Variants in DPYD observed in about 807,000 individuals in gnomAD.
DPYD encodes the protein dihydropyrimidine dehydrogenase [NADP(+)].
In DPYD, 109 loss-of-function variants were observed where a neutral mutation model predicts 116.2. The observed-to-expected ratio is 0.94, with a 90% confidence interval of 0.80 to 1.10. The LOEUF is 1.10. Among genes scored for constraint, DPYD ranks in the 50% least tolerant of loss-of-function variants. The probability of loss-of-function intolerance (pLI) is 0.00; values close to 1 mark genes in which losing one functional copy is unlikely to be tolerated. For synonymous variants in DPYD, 440 were observed against 432.0 expected (o/e 1.02, Z -0.23); for missense variants, 1,302 against 1,254.5 (o/e 1.04, Z -0.57).
At chr1:97,305,469 T>C in intron 17 of DPYD, 91 bp from the exon 18 acceptor site, 4 of 1,532,848 alleles carry the variant, frequency 2.6e-6, no homozygotes, top group Non-Finnish European at 1.8e-6. Flanking sequence ...AAAAATGCAT[T>C]CTATTTTATC....
chr1:97,146,868 G>A (rs1229718620), intron 20 of DPYD, among the ~76,000 whole-genome samples: 1 of 152,092 alleles, frequency 6.6e-6, no homozygotes. Context: ...ATATCCAGTG[G>A]GAAAAATAAA....
chr1:97,667,896 GAC>G (rs1161099625), intron 8 of DPYD, among the ~76,000 whole-genome samples: 4 of 152,016 alleles, frequency 2.6e-5, no homozygotes, highest in Admixed American at 2.6e-4. Flanking sequence ...ATAAAATTGT[GAC>G]ACATGCTACA....
intron 21 of DPYD, among the ~76,000 whole-genome samples, chr1:97,095,538 A>C (rs192505684): frequency 8.8e-4 from 134 of 152,162 alleles, no homozygotes; most frequent in African/African-American, 3.2e-3. Context: ...TTATGGTAGA[A>C]AAGGTTAACC....
At chr1:97,544,532 G>A (rs953361428) in intron 12 of DPYD, among the ~76,000 whole-genome samples, 1 of 151,768 alleles carries the variant, frequency 6.6e-6, no homozygotes, top group Non-Finnish European at 1.5e-5. Context: ...ATAGCTAAAG[G>A]TCTGTTTCTC....
In DPYD at chr1:97,568,280, T is replaced by A. The variant is rs182997986; in HGVS notation, c.1339+5480A>T. Among the ~76,000 whole-genome samples the A allele has an allele frequency of 4.1e-3, 619 of 152,252 alleles. 6 individuals carry two copies. The highest frequency in any genetic ancestry group is 0.014 in the African/African-American group (596 of 41,548). On this transcript the variant is annotated intron_variant, in intron 11 of 22. Coordinates refer to ENST00000370192, the MANE Select transcript of DPYD (RefSeq NM_000110.4). ...TTCCCAAACAACATGAATAGCTACA[T>A]AAAAGTTAATATAAATCAATTTAAT...
At chr1:97,736,223 C>T (rs1663932420) in intron 4 of DPYD, among the ~76,000 whole-genome samples, 1 of 151,914 alleles carries the variant, frequency 6.6e-6, no homozygotes, top group African/African-American at 2.4e-5. Flanking sequence ...ATTAGACTTC[C>T]ATTCATTTTT....
chr1:97,384,325 A>G (rs548336739), intron 14 of DPYD, among the ~76,000 whole-genome samples: 1 of 151,208 alleles, frequency 6.6e-6, no homozygotes, highest in Admixed American at 6.6e-5. Flanking sequence ...ACCATATTGG[A>G]GAGAGTTCTA....
chr1:97,373,096 C>G (rs756734064), intron 16 of DPYD, among the ~76,000 whole-genome samples: 1 of 152,138 alleles, frequency 6.6e-6, no homozygotes, highest in Non-Finnish European at 1.5e-5. Context: ...GCATCAAAGT[C>G]TTTTTGCAAC....
intron 18 of DPYD, among the ~76,000 whole-genome samples, chr1:97,280,828 T>C (rs1357200291): frequency 3.3e-5 from 5 of 152,112 alleles, no homozygotes; most frequent in African/African-American, 1.2e-4. Flanking sequence ...CATTACACAG[T>C]AGGGAGATTA....
intron 8 of DPYD, among the ~76,000 whole-genome samples, chr1:97,630,151 C>T (rs1019256449): frequency 6.1e-4 from 92 of 151,224 alleles, no homozygotes; most frequent in African/African-American, 1.3e-3. Flanking sequence ...TTGGCTATTA[C>T]GGATAAAGCC....
intron 5 of DPYD, among the ~76,000 whole-genome samples, chr1:97,706,630 A>G (rs569452208): frequency 6.6e-6 from 1 of 152,124 alleles, no homozygotes; most frequent in African/African-American, 2.4e-5. Flanking sequence ...CAGCCTTTTC[A>G]GATTGGCTTC....
chr1:97,824,489 T>C (rs1009304159), intron 3 of DPYD, among the ~76,000 whole-genome samples: 4 of 152,172 alleles, frequency 2.6e-5, no homozygotes, highest in Non-Finnish European at 2.9e-5. Context: ...AAAAATTAAG[T>C]AAAATTAAAC....
intron 12 of DPYD, among the ~76,000 whole-genome samples, chr1:97,530,906 T>C (rs1649569891): frequency 6.6e-6 from 1 of 152,218 alleles, no homozygotes; most frequent in Non-Finnish European, 1.5e-5. Flanking sequence ...TGGCCATTTG[T>C]ATGGCTTGTT....
chr1:97,292,707 C>T (rs943193471), intron 18 of DPYD, among the ~76,000 whole-genome samples: 83 of 110,158 alleles, frequency 7.5e-4, no homozygotes, highest in Middle Eastern at 4.8e-3. Context: ...CGTGCACGCG[C>T]GCGCACACGC....
chr1:97,363,914 A>G (rs1192581394), intron 16 of DPYD, among the ~76,000 whole-genome samples: 1 of 152,250 alleles, frequency 6.6e-6, no homozygotes, highest in South Asian at 2.1e-4. Context: ...ACAAACCTGC[A>G]CGTTGTGCAC....
In DPYD at chr1:97,833,600, G is replaced by A. The variant is rs139691532; in HGVS notation, c.151-5404C>T. On this transcript the variant is annotated intron_variant, in intron 2 of 22. Coordinates refer to ENST00000370192, the MANE Select transcript of DPYD (RefSeq NM_000110.4). Reference sequence around the variant, plus strand: ...AGTTAATTAACTCAGTTTCCTCATCGTGAAATATACTTACCTTCTAGAGCT... The same window carrying A: ...AGTTAATTAACTCAGTTTCCTCATCATGAAATATACTTACCTTCTAGAGCT... 4.6e-4 allele frequency among the ~76,000 whole-genome samples: 70 copies of A among 152,182 alleles called. No individual in the cohort carries two copies. The East Asian group carries it at 7.3e-3, about 16-fold the overall frequency.
chr1:97,375,153 G>A (rs946982513), intron 15 of DPYD, among the ~76,000 whole-genome samples: 8 of 151,664 alleles, frequency 5.3e-5, no homozygotes, highest in African/African-American at 1.9e-4. Flanking sequence ...TTTATTTTTC[G>A]GTAAGGCCAA....
intron 13 of DPYD, among the ~76,000 whole-genome samples, chr1:97,465,170 T>C (rs551039850): frequency 6.6e-6 from 1 of 152,304 alleles, no homozygotes; most frequent in Admixed American, 6.5e-5. Flanking sequence ...TTTGTTTTGG[T>C]CAATTTCTTC....
intron 18 of DPYD, among the ~76,000 whole-genome samples, chr1:97,290,441 C>A (rs952118937): frequency 3.3e-5 from 5 of 152,124 alleles, no homozygotes; most frequent in African/African-American, 4.8e-5. Context: ...AACTATACTA[C>A]AAGGCTACAG....
Sources: gnomAD v4.1 joint callset for allele counts (sites outside exome capture counted in the v4.1 genomes callset) on GRCh38, gnomAD v4.1.1 for gene constraint, MANE v1.5 for transcripts, NCBI Gene and HGNC (gene_info 2026-07-23, HGNC 2026-07-21) for gene names.